The following EPHA7 variants were observed in gnomAD, a reference collection of about 807,000 sequenced individuals.
The protein encoded by EPHA7 is ephrin type-A receptor 7.
A neutral mutation model predicts 112.6 loss-of-function variants in EPHA7; 25 were observed. The ratio of observed to expected loss-of-function variants is 0.22; its 90% CI spans 0.16 to 0.31. EPHA7 has a LOEUF of 0.31. Among genes scored for constraint, EPHA7 ranks in the 10% least tolerant of loss-of-function variants. EPHA7 has a pLI of 1.00. For missense variants in EPHA7, 962 were observed against 1,212.6 expected, an observed-to-expected ratio of 0.79 and a Z score of 3.07; for synonymous variants, 437 against 406.5, an observed-to-expected ratio of 1.07 and a Z score of -0.90.
rs75545089 is a variant in EPHA7 at position 93,366,359 on chromosome 6, T to G, written c.833-7948A>C. The stretch of plus-strand genomic sequence containing the variant: ...GGCTTCTACTTCCTTATTTCCTTGT[T>G]AACTCTAACGTGCTACAGACATAGT... On this transcript the variant is annotated intron_variant, in intron 3 of 16. Transcript: ENST00000369303. 8.3e-3 allele frequency among the ~76,000 whole-genome samples: 1,272 copies of G among 152,340 alleles called. 28 individuals are homozygous for G. The highest frequency in any genetic ancestry group is 0.028 in the African/African-American group (1,178 of 41,584).
intron 5 of EPHA7, among the ~76,000 whole-genome samples, chr6:93,282,950 C>T (rs1398905065): frequency 3.3e-5 from 5 of 152,206 alleles, no homozygotes; most frequent in Admixed American, 6.5e-5. Flanking sequence ...CCTTCTCCAC[C>T]GTGCCTAGTC....
chr6:93,332,790 G>A (rs1774663190), intron 5 of EPHA7, among the ~76,000 whole-genome samples: 1 of 151,638 alleles, frequency 6.6e-6, no homozygotes, highest in Non-Finnish European at 1.5e-5. Context: ...ATTAACTTGT[G>A]CAGAGTATTA....
intron 5 of EPHA7, among the ~76,000 whole-genome samples, chr6:93,335,683 C>T (rs1278374216): frequency 6.6e-6 from 1 of 151,778 alleles, no homozygotes; most frequent in African/African-American, 2.4e-5. Context: ...AATCCCATTC[C>T]TATCTATCTA....
chr6:93,315,689 TA>T (rs1394912477), intron 5 of EPHA7, among the ~76,000 whole-genome samples: 1 of 152,208 alleles, frequency 6.6e-6, no homozygotes, highest in Non-Finnish European at 1.5e-5. Context: ...CACTGAATTC[TA>T]AAATCAACAG....
intron 3 of EPHA7, among the ~76,000 whole-genome samples, chr6:93,392,252 T>G (rs1311817943): frequency 1.3e-5 from 2 of 151,836 alleles, no homozygotes; most frequent in Non-Finnish European, 2.9e-5. Context: ...GAAACACAGG[T>G]CAAGCCTTTC....
intron 13 of EPHA7, 137 bp from the exon 14 acceptor site, chr6:93,254,933 G>A (rs773573589): frequency 5.2e-5 from 30 of 573,866 alleles, no homozygotes; most frequent in Admixed American, 9.6e-5. Flanking sequence ...ATCTCTATGC[G>A]TATTTAAAGT....
At chr6:93,395,210 G>T (rs1778107126) in intron 3 of EPHA7, among the ~76,000 whole-genome samples, 1 of 151,742 alleles carries the variant, frequency 6.6e-6, no homozygotes, top group South Asian at 2.1e-4. Flanking sequence ...TTTAAAAATG[G>T]TTTTTAAAAA....
chr6:93,382,858 C>T (rs969083306), intron 3 of EPHA7, among the ~76,000 whole-genome samples: 2 of 152,166 alleles, frequency 1.3e-5, no homozygotes, highest in South Asian at 2.1e-4. Context: ...AAAGGTATCA[C>T]TACCATCACA....
chr6:93,348,791 G>T (rs1396779640), intron 5 of EPHA7, among the ~76,000 whole-genome samples: 1 of 151,704 alleles, frequency 6.6e-6, no homozygotes, highest in East Asian at 1.9e-4. Flanking sequence ...AGTATACAAA[G>T]AATTTATGTA....
chr6:93,241,168 T>G lies in EPHA7; in HGVS notation c.*2258A>C. 1 of 211,098 alleles carries G rather than the reference T, an allele frequency of 4.7e-6. No individual in the cohort carries two copies. The highest frequency in any genetic ancestry group is 5.9e-5 in the Admixed American group (1 of 17,008). The allele number at this position is 211,098 out of a possible 1,614,324, so 13.1% of individuals were successfully genotyped here. On this transcript the variant is annotated 3_prime_UTR_variant, in exon 17 of 17. Coordinates refer to ENST00000369303, the MANE Select transcript of EPHA7 (RefSeq NM_004440.4). ...GACACCGTTTGCATGTACCATACTA[T>G]GTCTTCTATTTCTAGAATGGCTTTT... is the stretch of plus-strand genomic sequence containing the variant.
At chr6:93,381,731 CTT>C (rs3839556) in intron 3 of EPHA7, among the ~76,000 whole-genome samples, 1 of 148,808 alleles carries the variant, frequency 6.7e-6, no homozygotes. Context: ...CTTTTTATTT[CTT>C]TTTTTTTTCT....
intron 9 of EPHA7, chr6:93,260,641 A>C: frequency 1.0e-6 from 1 of 976,938 alleles, no homozygotes; most frequent in Non-Finnish European, 1.2e-6. Context: ...TAACAAAAAG[A>C]AGCAAAATGT....
intron 4 of EPHA7, 44 bp downstream of exon 4, chr6:93,358,212 G>A: frequency 1.3e-6 from 2 of 1,491,802 alleles, no homozygotes; most frequent in South Asian, 2.9e-5. Flanking sequence ...GTACAAATGA[G>A]TGGAAGGGAT....
Position 93,356,921 on chromosome 6 carries a change from A to G in EPHA7, c.1120T>C (p.Trp374Arg). ...TYRILCKRCS[W>R]EQGECVPCGS... The stretch of plus-strand genomic sequence containing the variant: ...CAGGGAACACATTCGCCCTGCTCCC[A>G]ACTGCACCGCTTACACAATATTCTG... Residue 374 changes from tryptophan to arginine, a missense_variant, in exon 5 of 17, where the codon TGG (tryptophan) becomes CGG (arginine). Physicochemically the swap from Trp to Arg is moderately radical, Grantham distance 101. Transcript: ENST00000369303. The G allele has an allele frequency of 6.2e-7, 1 of 1,614,154 alleles. No homozygotes were observed. The highest frequency in any genetic ancestry group is 8.5e-7 in the Non-Finnish European group (1 of 1,180,018).
chr6:93,416,266 G>A (rs764322298), intron 1 of EPHA7, among the ~76,000 whole-genome samples: 11 of 152,134 alleles, frequency 7.2e-5, no homozygotes, highest in Non-Finnish European at 1.3e-4. Context: ...CAACAGACAT[G>A]AAGCACAGGG....
intron 3 of EPHA7, among the ~76,000 whole-genome samples, chr6:93,405,811 G>A (rs9689297): frequency 0.1 from 5,710 of 54,814 alleles, 184 homozygotes; most frequent in East Asian, 0.17. Flanking sequence ...GTGTGTGTGT[G>A]TGTATATATA....
chr6:93,411,206 CA>C, intron 2 of EPHA7, 36 bp from the exon 3 acceptor site: 2 of 1,543,906 alleles, frequency 1.3e-6, no homozygotes, highest in Middle Eastern at 1.7e-4. Flanking sequence ...AGTCATTCAG[CA>C]AAAAATAACA....
intron 5 of EPHA7, among the ~76,000 whole-genome samples, chr6:93,320,462 T>C (rs1299563800): frequency 6.6e-6 from 1 of 152,026 alleles, no homozygotes; most frequent in Non-Finnish European, 1.5e-5. Context: ...TTTAAAAGAA[T>C]ACAATCATTA....
chr6:93,314,924 G>A (rs1276239769), intron 5 of EPHA7, among the ~76,000 whole-genome samples: 4 of 138,418 alleles, frequency 2.9e-5, no homozygotes, highest in East Asian at 4.3e-4. Flanking sequence ...GTGCAGTGGC[G>A]CGATCTCGGC....
Sources: allele counts gnomAD v4.1 joint callset (sites outside exome capture counted in the v4.1 genomes callset), GRCh38; gene constraint gnomAD v4.1.1; transcripts MANE v1.5; gene names NCBI Gene and HGNC (gene_info 2026-07-23, HGNC 2026-07-21).